Variants in STX18 observed in about 807,000 individuals in gnomAD.
The protein encoded by STX18 is syntaxin 18, also known as syntaxin-18.
STX18 carries 40 observed loss-of-function variants against 50.1 expected under a neutral mutation model. That is an observed-to-expected ratio of 0.80 (90% CI 0.62 to 1.04). STX18 has a LOEUF of 1.04. Ranked by LOEUF, STX18 falls within the 50% of genes least tolerant of loss-of-function variation. The probability of loss-of-function intolerance (pLI) is 0.00; values close to 1 mark genes in which losing one functional copy is unlikely to be tolerated. For synonymous variants in STX18, 158 were observed against 151.8 expected (o/e 1.04, Z -0.30); for missense variants, 410 against 415.8 (o/e 0.99, Z 0.12).
chr4:4,534,148 C>T lies in STX18; in HGVS notation c.168+7649G>A, dbSNP rs548698793. Among the ~76,000 whole-genome samples the T allele has an allele frequency of 1.1e-4, 16 of 152,302 alleles. No individual in the cohort carries two copies. The South Asian group carries it at 3.3e-3, about 32-fold the overall frequency. ...GGGTATCTATTTTGTACTCAACTGT[C>T]TCCAAGGTCTAAATGTGGCAAAGCT... On this transcript the variant is annotated intron_variant, in intron 1 of 10. Coordinates refer to ENST00000306200, the MANE Select transcript of STX18 (RefSeq NM_016930.4).
At chr4:4,541,153 G>A (rs1731570280) in intron 1 of STX18, among the ~76,000 whole-genome samples, 1 of 152,180 alleles carries the variant, frequency 6.6e-6, no homozygotes, top group African/African-American at 2.4e-5. Flanking sequence ...CATGCATTCT[G>A]AGATGAAAAC....
chr4:4,419,829 T>A lies in STX18; in HGVS notation c.*205A>T. 2 of 531,296 alleles carry A rather than the reference T, an allele frequency of 3.8e-6. No individual in the cohort carries two copies. The highest frequency in any genetic ancestry group is 4.2e-5 in the South Asian group (2 of 47,228). The allele number at this position is 531,296 out of a possible 1,614,324, so 32.9% of individuals were successfully genotyped here. A position where few individuals can be genotyped will look rare whatever the true frequency, so the allele number is the denominator to read the frequency against. On this transcript the variant is annotated 3_prime_UTR_variant, in exon 11 of 11. Coordinates refer to ENST00000306200, the MANE Select transcript of STX18 (RefSeq NM_016930.4). ...CTGCCTCCCATTGGTGTGCACTGTTTCCTTTTTCAGCTGCTAAATGGCTGA... is the reference window on the plus strand; with the variant it reads ...CTGCCTCCCATTGGTGTGCACTGTTACCTTTTTCAGCTGCTAAATGGCTGA...
Position 4,420,210 on chromosome 4 carries a change from C to A in STX18, c.913-81G>T. ...GCCCTGAAATGCCCCCCTCTTCCCA[C>A]GTGCTCTCCTGATCCTGGCTGTAAC... On this transcript the variant is annotated intron_variant, in intron 10 of 10. Transcript: ENST00000306200. The surrounding 1 kb of genome is among the most constrained non-coding windows in gnomAD (Gnocchi z 4.3). 1.8e-6 allele frequency: 2 copies of A among 1,093,872 alleles called. No individual in the cohort carries two copies. The highest frequency in any genetic ancestry group is 1.4e-5 in the South Asian group (1 of 72,834). The allele number at this position is 1,093,872 out of a possible 1,614,324, so 67.8% of individuals were successfully genotyped here.
At chr4:4,509,686 A>T (rs1729907923) in intron 1 of STX18, among the ~76,000 whole-genome samples, 3 of 152,238 alleles carry the variant, frequency 2.0e-5, no homozygotes, top group Admixed American at 2.0e-4. Flanking sequence ...GTGTTACGGG[A>T]CAAAAAGCAA....
chr4:4,533,104 T>G (rs892404818), intron 1 of STX18, among the ~76,000 whole-genome samples: 5 of 152,310 alleles, frequency 3.3e-5, no homozygotes, highest in Admixed American at 6.5e-5. Context: ...GGTTTAAAAT[T>G]TCAACTGTGC....
chr4:4,483,995 G>A (rs542777457), intron 1 of STX18, among the ~76,000 whole-genome samples: 6 of 152,084 alleles, frequency 3.9e-5, no homozygotes, highest in Non-Finnish European at 8.8e-5. Flanking sequence ...CCGAGTAGCT[G>A]GGACTACAGG....
At chr4:4,462,391 G>GC (rs1727426040) in intron 2 of STX18, among the ~76,000 whole-genome samples, 1 of 152,118 alleles carries the variant, frequency 6.6e-6, no homozygotes, top group Non-Finnish European at 1.5e-5. Context: ...TAGCACAAAG[G>GC]CAAGTTATAT....
At chr4:4,456,024 C>G (rs745899015) in intron 5 of STX18, among the ~76,000 whole-genome samples, 1 of 152,020 alleles carries the variant, frequency 6.6e-6, no homozygotes, top group Non-Finnish European at 1.5e-5. Context: ...GTGGCTCACG[C>G]CTGTAGTCCA....
chr4:4,440,956 G>A (rs1726071605), intron 5 of STX18, among the ~76,000 whole-genome samples: 1 of 152,202 alleles, frequency 6.6e-6, no homozygotes, highest in South Asian at 2.1e-4. Flanking sequence ...AACTAGGGCT[G>A]CAGTCATCTG....
At chr4:4,435,443 C>T (rs529414234) in intron 6 of STX18, among the ~76,000 whole-genome samples, 9 of 152,256 alleles carry the variant, frequency 5.9e-5, no homozygotes, top group East Asian at 5.8e-4. Context: ...AAGTAATACA[C>T]AGTTTTGTGT....
At chr4:4,532,898 C>T (rs940669772) in intron 1 of STX18, among the ~76,000 whole-genome samples, 1 of 151,848 alleles carries the variant, frequency 6.6e-6, no homozygotes, top group African/African-American at 2.4e-5. Flanking sequence ...CATTTGACTA[C>T]AAATTAGATA....
At chr4:4,497,474 A>G (rs958703641) in intron 1 of STX18, among the ~76,000 whole-genome samples, 2 of 152,232 alleles carry the variant, frequency 1.3e-5, no homozygotes, top group African/African-American at 2.4e-5. Flanking sequence ...CACTCATTCA[A>G]TATCACTTAC....
At position 4,507,620 on chromosome 4, in the gene STX18, G is replaced by C. The variant is rs542341750; in HGVS notation, c.168+34177C>G. 29 of 767,640 alleles carry C rather than the reference G, an allele frequency of 3.8e-5. 2 individuals are homozygous for C. The highest frequency in any genetic ancestry group is 3.5e-4 in the South Asian group (26 of 73,796). 47.6% of individuals were successfully genotyped at this position (767,640 alleles called of 1,614,324 possible). On this transcript the variant is annotated intron_variant, in intron 1 of 10. Transcript: ENST00000306200. Reference sequence around the variant, plus strand: ...ACTTGATCTTCCCAAGCGAAATTGTGGGCAAGAGAATTCACGTGAACTGGA... The same window carrying C: ...ACTTGATCTTCCCAAGCGAAATTGTCGGCAAGAGAATTCACGTGAACTGGA...
chr4:4,525,132 T>A (rs1304138798), intron 1 of STX18, among the ~76,000 whole-genome samples: 1 of 152,138 alleles, frequency 6.6e-6, no homozygotes, highest in Non-Finnish European at 1.5e-5. Flanking sequence ...AAAAAGAAAT[T>A]TTAAAAGTAA....
chr4:4,488,324 T>C (rs1381144544), intron 1 of STX18, among the ~76,000 whole-genome samples: 2 of 152,174 alleles, frequency 1.3e-5, no homozygotes, highest in African/African-American at 4.8e-5. Flanking sequence ...AAAGTTTTGT[T>C]TGAATTATAA....
At chr4:4,511,930 C>G (rs1730026213) in intron 1 of STX18, among the ~76,000 whole-genome samples, 1 of 151,950 alleles carries the variant, frequency 6.6e-6, no homozygotes, top group African/African-American at 2.4e-5. Flanking sequence ...AATACTTTGT[C>G]TGGGGGCGGA....
rs375456906 is a variant in STX18, at chr4:4,471,668, T to C, written c.207A>G (p.Glu69=). Residue 69 remains glutamate, a synonymous_variant, in exon 2 of 11, where the codon GAA becomes GAG. Coordinates refer to ENST00000306200, the MANE Select transcript of STX18 (RefSeq NM_016930.4). ...HIGKLRDFLL[E]HRKDYINAYS... ...AAGCATTAATATAATCTTTCCTGTG[T>C]TCCAGAAGAAAATCTCTCAGTTTGC... 22 of 1,584,658 alleles carry C rather than the reference T, an allele frequency of 1.4e-5. No individual in the cohort carries two copies. The highest frequency in any genetic ancestry group is 4.0e-5 in the Admixed American group (2 of 50,208).
At chr4:4,433,107 G>A (rs1036209023) in intron 7 of STX18, among the ~76,000 whole-genome samples, 7 of 152,226 alleles carry the variant, frequency 4.6e-5, no homozygotes, top group East Asian at 1.9e-4. Flanking sequence ...GTTCTGTGAC[G>A]TTGGGTAGGG....
chr4:4,499,927 C>T (rs1214017317), intron 1 of STX18, among the ~76,000 whole-genome samples: 1 of 151,956 alleles, frequency 6.6e-6, no homozygotes, highest in Non-Finnish European at 1.5e-5. Context: ...GACCCAACTG[C>T]TCATGTTCCA....
Sources: gnomAD v4.1 joint callset for allele counts (sites outside exome capture counted in the v4.1 genomes callset) on GRCh38, gnomAD v4.1.1 for gene constraint, Gnocchi (gnomAD v3.1) non-coding constraint, MANE v1.5 for transcripts, NCBI Gene and HGNC (gene_info 2026-07-23, HGNC 2026-07-21) for gene names.